PTPRQ: variants seen among roughly 807,000 people sequenced by gnomAD.
The protein encoded by PTPRQ is protein tyrosine phosphatase receptor type Q, also known as phosphatidylinositol phosphatase PTPRQ.
In PTPRQ, 199 loss-of-function variants were observed where a neutral mutation model predicts 246.0. That is an observed-to-expected ratio of 0.81 (90% CI 0.72 to 0.91). The LOEUF is 0.91. Among genes scored for constraint, PTPRQ ranks in the 40% least tolerant of loss-of-function variants. The pLI is 0.00. For missense variants in PTPRQ, 2,624 were observed against 2,528.4 expected (o/e 1.04, Z -0.81); for synonymous variants, 869 against 853.2 (o/e 1.02, Z -0.32).
intron 26 of PTPRQ, among the ~76,000 whole-genome samples, chr12:80,601,209 A>C (rs769267767): frequency 6.6e-6 from 1 of 151,708 alleles, no homozygotes. Context: ...CTTGTGTATT[A>C]TATATTCATT....
At chr12:80,628,983 G>A (rs1011239763) in intron 33 of PTPRQ, among the ~76,000 whole-genome samples, 4 of 152,124 alleles carry the variant, frequency 2.6e-5, no homozygotes, top group Non-Finnish European at 5.9e-5. Flanking sequence ...AGTCCAGAAG[G>A]CTAGAAATCT....
chr12:80,474,701 A>T (rs1893757741), intron 8 of PTPRQ, among the ~76,000 whole-genome samples: 1 of 152,238 alleles, frequency 6.6e-6, no homozygotes, highest in Admixed American at 6.5e-5. Context: ...GATAATGCTG[A>T]TGAATATAAC....
chr12:80,518,693 A>G (rs1283815509), intron 17 of PTPRQ, among the ~76,000 whole-genome samples: 1 of 152,172 alleles, frequency 6.6e-6, no homozygotes, highest in Non-Finnish European at 1.5e-5. Context: ...TCTTCTGCAT[A>G]TGGATATCCA....
chr12:80,585,635 C>T (rs1897587937), intron 25 of PTPRQ, among the ~76,000 whole-genome samples: 1 of 152,126 alleles, frequency 6.6e-6, no homozygotes, highest in Non-Finnish European at 1.5e-5. Flanking sequence ...AGGCATGCCT[C>T]CAACTATACA....
chr12:80,671,703 A>T (rs1257589927), intron 42 of PTPRQ, among the ~76,000 whole-genome samples: 1 of 152,108 alleles, frequency 6.6e-6, no homozygotes, highest in East Asian at 1.9e-4. Flanking sequence ...TAGAAATTTG[A>T]TGTGTACAAA....
At chr12:80,594,500 C>G (rs150276960) in intron 26 of PTPRQ, among the ~76,000 whole-genome samples, 1 of 152,196 alleles carries the variant, frequency 6.6e-6, no homozygotes, top group African/African-American at 2.4e-5. Context: ...ATGGGTAATT[C>G]AAGACAACAT....
intron 9 of PTPRQ, among the ~76,000 whole-genome samples, chr12:80,487,142 C>T (rs1171591896): frequency 6.6e-6 from 1 of 151,604 alleles, no homozygotes; most frequent in Non-Finnish European, 1.5e-5. Flanking sequence ...TGATCCTTCT[C>T]TCTGACGCTC....
At chr12:80,539,682 AATAG>A (rs1896091827) in intron 19 of PTPRQ, 90 bp from the exon 20 acceptor site, 1 of 1,021,472 alleles carries the variant, frequency 9.8e-7, no homozygotes, top group South Asian at 2.4e-5. Flanking sequence ...AATAATGATA[AATAG>A]TAAAATCGAT....
At chr12:80,542,648 T>C in intron 22 of PTPRQ, 82 bp from the exon 23 acceptor site, 4 of 1,374,890 alleles carry the variant, frequency 2.9e-6, no homozygotes, top group Non-Finnish European at 3.9e-6. Context: ...TTTAAACTAG[T>C]GTCTTCAAGA....
intron 5 of PTPRQ, among the ~76,000 whole-genome samples, 171 bp from the exon 6 acceptor site, chr12:80,460,482 A>G (rs939325637): frequency 1.3e-5 from 2 of 152,218 alleles, no homozygotes; most frequent in Non-Finnish European, 2.9e-5. Flanking sequence ...CTCTTCTAAA[A>G]CTGCAGACAT....
intron 17 of PTPRQ, among the ~76,000 whole-genome samples, chr12:80,529,057 G>T (rs1330279476): frequency 2.0e-5 from 3 of 152,148 alleles, no homozygotes; most frequent in Admixed American, 6.6e-5. Flanking sequence ...AACAGCTTTA[G>T]GAATGTGCAA....
chr12:80,476,710 T>C (rs1893822308), intron 8 of PTPRQ, among the ~76,000 whole-genome samples: 1 of 152,344 alleles, frequency 6.6e-6, no homozygotes, highest in African/African-American at 2.4e-5. Flanking sequence ...TTTAAGACTA[T>C]ATGCCTGTCT....
chr12:80,463,778 G>A (rs1893293747), intron 6 of PTPRQ, among the ~76,000 whole-genome samples: 1 of 151,108 alleles, frequency 6.6e-6, no homozygotes, highest in Non-Finnish European at 1.5e-5. Context: ...AGCTTCATAA[G>A]TGAAGGAGAA....
Position 80,542,734 on chromosome 12 carries a change from G to A in PTPRQ, c.3726G>A (p.Pro1242=), listed in dbSNP as rs147316024. Residue 1242 remains proline (P), a synonymous_variant, in exon 23 of 45, where the codon CCG becomes CCA. Transcript: ENST00000644991. ...ILFFYTDESV[P]LAPPQNLTLI... is the part of the protein sequence containing the mutation. ...TCTTCATGTGTTTTCCTACAGTGCCGTTAGCACCTCCACAAAATTTGACTT... is the reference window on the plus strand; with the variant it reads ...TCTTCATGTGTTTTCCTACAGTGCCATTAGCACCTCCACAAAATTTGACTT... 416 of 1,541,962 alleles carry A rather than the reference G, an allele frequency of 2.7e-4. 3 individuals carry two copies. In the East Asian group the frequency reaches 8.6e-3, roughly 32 times the overall value.
intron 39 of PTPRQ, among the ~76,000 whole-genome samples, chr12:80,659,943 G>C (rs1222794856): frequency 6.6e-6 from 1 of 151,984 alleles, no homozygotes; most frequent in Non-Finnish European, 1.5e-5. Flanking sequence ...AGGATGTCAA[G>C]AACAGATGGG....
At chr12:80,491,454 G>T (rs1050282082) in intron 9 of PTPRQ, among the ~76,000 whole-genome samples, 1 of 151,928 alleles carries the variant, frequency 6.6e-6, no homozygotes, top group South Asian at 2.1e-4. Flanking sequence ...TAAGACAGAA[G>T]ATCTTTACTT....
At chr12:80,528,017 G>A (rs1178277677) in intron 17 of PTPRQ, among the ~76,000 whole-genome samples, 2 of 152,038 alleles carry the variant, frequency 1.3e-5, no homozygotes, top group African/African-American at 4.8e-5. Context: ...CTGGGGTTGG[G>A]GCCATCGACG....
At chr12:80,507,239 C>T (rs1894991369) in intron 16 of PTPRQ, among the ~76,000 whole-genome samples, 1 of 151,900 alleles carries the variant, frequency 6.6e-6, no homozygotes, top group Admixed American at 6.6e-5. Flanking sequence ...GGCCACTTTA[C>T]ATTGATACCT....
chr12:80,616,142 T>TATAC, intron 29 of PTPRQ, 58 bp from the exon 30 acceptor site: 1 of 1,225,718 alleles, frequency 8.2e-7, no homozygotes, highest in African/African-American at 1.6e-5. Context: ...TATATATATA[T>TATAC]ACACACACAT....
Sources: allele counts gnomAD v4.1 joint callset (sites outside exome capture counted in the v4.1 genomes callset), GRCh38; gene constraint gnomAD v4.1.1; transcripts MANE v1.5; gene names NCBI Gene and HGNC (gene_info 2026-07-23, HGNC 2026-07-21).